Variants in ERCC6L2 observed in about 807,000 individuals in gnomAD.
ERCC6L2 encodes the protein DNA excision repair protein ERCC-6-like 2.
ERCC6L2 carries 77 observed loss-of-function variants against 132.0 expected under a neutral mutation model. The ratio of observed to expected loss-of-function variants is 0.58; its 90% CI spans 0.49 to 0.71. ERCC6L2 has a LOEUF of 0.71. Ranked by LOEUF, ERCC6L2 falls within the 30% of genes least tolerant of loss-of-function variation. The pLI is 0.00. For missense variants in ERCC6L2, 1,542 were observed against 1,837.6 expected (o/e 0.84, Z 2.94); for synonymous variants, 583 against 632.4 (o/e 0.92, Z 1.17).
intron 6 of ERCC6L2, among the ~76,000 whole-genome samples, chr9:95,917,177 T>C (rs1333641379): frequency 6.6e-6 from 1 of 152,238 alleles, no homozygotes; most frequent in Non-Finnish European, 1.5e-5. Flanking sequence ...GGTTTGTTTC[T>C]TGTAGAATGC....
intron 17 of ERCC6L2, among the ~76,000 whole-genome samples, chr9:95,984,112 A>G (rs1216817746): frequency 1.3e-5 from 2 of 151,004 alleles, no homozygotes; most frequent in African/African-American, 2.4e-5. Context: ...AACCATATAC[A>G]TAACATATAT....
chr9:95,918,311 A>C lies in ERCC6L2; in HGVS notation c.1158+1877A>C, dbSNP rs189957261. 5.6e-4 allele frequency: 226 copies of C among 401,054 alleles called. No individual in the cohort carries two copies. In the East Asian group the frequency reaches 0.012, roughly 21 times the overall value. The allele number at this position is 401,054 out of a possible 1,614,324, so 24.8% of individuals were successfully genotyped here. ...GTTATTTGTCCTGATGTCAGTCTTG[A>C]AGATGCAAAAAAGAGGGACCAAATG... On this transcript the variant is annotated intron_variant, in intron 6 of 18. Transcript: ENST00000653738.
intron 17 of ERCC6L2, among the ~76,000 whole-genome samples, chr9:95,984,807 T>C (rs1409897758): frequency 1.3e-5 from 2 of 152,224 alleles, no homozygotes; most frequent in Non-Finnish European, 2.9e-5. Flanking sequence ...CCCACCTTTA[T>C]GTTCTGAGAA....
chr9:95,972,461 A>G lies in ERCC6L2; in HGVS notation c.2710A>G (p.Ile904Val), dbSNP rs966380488. The change falls in exon 16 of 19, where the codon ATC becomes GTC. Residue 904 changes from isoleucine (I) to valine (V), a missense_variant. By Grantham distance (29) the Ile-to-Val change is conservative (BLOSUM62 3). Around this residue, in one of 4 missense-constraint regions of ERCC6L2, gnomAD observed 945 missense variants for 1,105.2 expected, o/e 0.86. Coordinates refer to ENST00000653738, the MANE Select transcript of ERCC6L2 (RefSeq NM_020207.7). ...CACAGAATCAGAAGATAGTGATGTC[A>G]TCTGTCCTACACAATACACAACTGA... ...NVTESEDSDVICPTQYTTERF... is the reference protein window; with the variant it reads ...NVTESEDSDVVCPTQYTTERF... 3.1e-6 allele frequency: 4 copies of G among 1,286,510 alleles called. No individual in the cohort carries two copies. The highest frequency in any genetic ancestry group is 1.5e-5 in the African/African-American group (1 of 65,676). 79.7% of individuals were successfully genotyped at this position (1,286,510 alleles called of 1,614,324 possible). A position where few individuals can be genotyped will look rare whatever the true frequency, so the allele number is the denominator to read the frequency against.
At position 95,986,114 on chromosome 9, in the gene ERCC6L2, C is replaced by T. The variant is rs1377851393; in HGVS notation, c.3492+7899C>T. ...TCCTCCAAAGCAGTGTAAATTTTTC[C>T]TCATCTTTCTCTTTACTTGTGTGTG... On this transcript the variant is annotated intron_variant, in intron 17 of 18. Coordinates refer to ENST00000653738, the MANE Select transcript of ERCC6L2 (RefSeq NM_020207.7). 2.0e-5 allele frequency among the ~76,000 whole-genome samples: 3 copies of T among 152,148 alleles called. No homozygotes were observed. The East Asian group carries it at 5.8e-4, about 29-fold the overall frequency.
intron 3 of ERCC6L2, 140 bp downstream of exon 3, chr9:95,898,111 G>T: frequency 1.3e-6 from 1 of 772,296 alleles, no homozygotes; most frequent in Non-Finnish European, 1.9e-6. Context: ...TAAAATATTT[G>T]TTTTATAGGC....
At chr9:95,989,006 A>G (rs1021242230) in intron 17 of ERCC6L2, among the ~76,000 whole-genome samples, 2 of 152,142 alleles carry the variant, frequency 1.3e-5, no homozygotes, top group African/African-American at 4.8e-5. Flanking sequence ...TAGGGTTACC[A>G]TTTTATTAGG....
chr9:95,893,935 T>G (rs546330394), intron 2 of ERCC6L2, among the ~76,000 whole-genome samples: 18 of 152,310 alleles, frequency 1.2e-4, no homozygotes, highest in African/African-American at 4.3e-4. Flanking sequence ...GATAACTGAT[T>G]AATAGTCCCT....
intron 12 of ERCC6L2, among the ~76,000 whole-genome samples, chr9:95,949,790 A>G (rs1831244718): frequency 6.6e-6 from 1 of 152,088 alleles, no homozygotes; most frequent in African/African-American, 2.4e-5. Flanking sequence ...TGGGTGGATC[A>G]TGAGGTCAGG....
rs1473971620 is a variant in ERCC6L2 at position 96,014,413 on chromosome 9, A to C, written c.*1210A>C. ...ATTGCTCAGAAGTGAACAAAAAATC[A>C]AAAACAAAAGTCTTCTCAAGGGACT... On this transcript the variant is annotated 3_prime_UTR_variant, in exon 19 of 19. Transcript: ENST00000653738. 6.6e-6 allele frequency: 1 copy of C among 152,242 alleles called. No individual in the cohort carries two copies. The highest frequency in any genetic ancestry group is 1.5e-5 in the Non-Finnish European group (1 of 68,048). 9.4% of individuals were successfully genotyped at this position (152,242 alleles called of 1,614,324 possible).
At chr9:95,897,999 A>T (rs1397372617) in intron 3 of ERCC6L2, 28 bp downstream of exon 3, 1 of 1,570,964 alleles carries the variant, frequency 6.4e-7, no homozygotes, top group Non-Finnish European at 8.6e-7. Context: ...TGTATATTCT[A>T]CTCATGATGC....
At chr9:96,029,312 A>C (rs541588664) in intron 19 of ERCC6L2, among the ~76,000 whole-genome samples, 57 of 150,952 alleles carry the variant, frequency 3.8e-4, no homozygotes, top group African/African-American at 1.1e-3. Context: ...TCAAAAAAAA[A>C]AAAAAAAAAA....
chr9:95,946,324 C>T (rs778118678), intron 12 of ERCC6L2, among the ~76,000 whole-genome samples: 17 of 152,092 alleles, frequency 1.1e-4, no homozygotes, highest in Non-Finnish European at 1.9e-4. Flanking sequence ...GTCAGGTGAT[C>T]GAGACCATCC....
chr9:95,921,340 A>G, intron 7 of ERCC6L2, 25 bp downstream of exon 7: 4 of 1,593,454 alleles, frequency 2.5e-6, no homozygotes, highest in Non-Finnish European at 3.4e-6. Context: ...ATATCTTTAT[A>G]ATCATGCTTT....
intron 19 of ERCC6L2, among the ~76,000 whole-genome samples, chr9:96,028,824 A>G (rs142819836): frequency 3.9e-5 from 6 of 152,358 alleles, no homozygotes; most frequent in Non-Finnish European, 8.8e-5. Context: ...GGAATGGATA[A>G]GTATACGTCA....
chr9:96,038,008 G>A (rs896051320), intron 19 of ERCC6L2, among the ~76,000 whole-genome samples: 34 of 152,148 alleles, frequency 2.2e-4, no homozygotes, highest in African/African-American at 8.2e-4. Flanking sequence ...GGTAGAGGCT[G>A]GATTGGCATG....
chr9:96,023,043 G>C (rs1010029748), downstream of ERCC6L2, among the ~76,000 whole-genome samples: 3 of 152,158 alleles, frequency 2.0e-5, no homozygotes, highest in Non-Finnish European at 4.4e-5. Flanking sequence ...AGGCCGGTGG[G>C]ATTTCCATCA....
intron 2 of ERCC6L2, among the ~76,000 whole-genome samples, chr9:95,883,637 G>A (rs940613062): frequency 5.3e-5 from 8 of 152,170 alleles, no homozygotes; most frequent in Non-Finnish European, 7.4e-5. Flanking sequence ...AAGGCGGGCG[G>A]ATCACGAGGT....
intron 2 of ERCC6L2, among the ~76,000 whole-genome samples, chr9:95,896,492 G>A (rs1407189242): frequency 6.6e-6 from 1 of 151,302 alleles, no homozygotes; most frequent in Non-Finnish European, 1.5e-5. Context: ...TGCAGTCACG[G>A]CCCACTGCAG....
Sources: gnomAD v4.1 joint callset for allele counts (sites outside exome capture counted in the v4.1 genomes callset) on GRCh38, gnomAD v4.1.1 for gene constraint, gnomAD v4.1.1 regional missense constraint, MANE v1.5 for transcripts, NCBI Gene and HGNC (gene_info 2026-07-23, HGNC 2026-07-21) for gene names.